Variants in MYO18B observed in about 807,000 individuals in gnomAD.
MYO18B encodes the protein unconventional myosin-XVIIIb.
Under a neutral mutation model 273.0 loss-of-function variants are expected in MYO18B, and 204 were observed. The ratio of observed to expected loss-of-function variants is 0.75; its 90% confidence interval spans 0.67 to 0.84. MYO18B has a LOEUF of 0.84. MYO18B is among the 40% of genes least tolerant of loss of function. The pLI, the probability that MYO18B is intolerant of heterozygous loss-of-function variation, is 0.00. For missense variants in MYO18B, 3,212 were observed against 3,287.6 expected (o/e 0.98, Z 0.56); for synonymous variants, 1,330 against 1,305.7 (o/e 1.02, Z -0.40).
chr22:25,778,153 C>T (rs1436492857), intron 8 of MYO18B, among the ~76,000 whole-genome samples: 1 of 152,126 alleles, frequency 6.6e-6, no homozygotes, highest in Non-Finnish European at 1.5e-5. Flanking sequence ...CAGTGCACAA[C>T]TTGCGGAACT....
chr22:25,989,969 C>T (rs1280265381), intron 39 of MYO18B, among the ~76,000 whole-genome samples: 1 of 152,146 alleles, frequency 6.6e-6, no homozygotes, highest in East Asian at 1.9e-4. Flanking sequence ...TGTCTCTCAC[C>T]TTGTCAAGGC....
chr22:25,766,078 G>GAGT (rs2086495632), intron 3 of MYO18B, among the ~76,000 whole-genome samples: 1 of 152,040 alleles, frequency 6.6e-6, no homozygotes, highest in Non-Finnish European at 1.5e-5. Flanking sequence ...TAAGGCCAAG[G>GAGT]AGTTAAGGTT....
chr22:26,061,633 G>C, the MYO18B span, among the ~76,000 whole-genome samples: 1 of 151,354 alleles, frequency 6.6e-6, no homozygotes, highest in Non-Finnish European at 1.5e-5. Context: ...CTATTGCCGA[G>C]AAACGTCATC....
chr22:26,036,105 A>T, the MYO18B span, among the ~76,000 whole-genome samples: 1 of 152,318 alleles, frequency 6.6e-6, no homozygotes, highest in Admixed American at 6.5e-5. Flanking sequence ...CAGCTAGAAG[A>T]GGCAGGTGTC....
At chr22:25,748,731 C>T (rs1342100836) in intron 1 of MYO18B, among the ~76,000 whole-genome samples, 1 of 152,222 alleles carries the variant, frequency 6.6e-6, no homozygotes, top group Non-Finnish European at 1.5e-5. Flanking sequence ...CATCAACCTT[C>T]CTGCCCTTGC....
intron 1 of MYO18B, among the ~76,000 whole-genome samples, chr22:25,755,960 C>G (rs140298743): frequency 6.6e-6 from 1 of 151,860 alleles, no homozygotes; most frequent in Non-Finnish European, 1.5e-5. Context: ...TGCAGTGGCA[C>G]GATGTCAGCT....
chr22:25,769,341 A>G lies in MYO18B; in HGVS notation c.1425A>G (p.Ala475=), dbSNP rs1303281134. The G allele has an allele frequency of 3.8e-6, 6 of 1,578,110 alleles. No homozygotes were observed. Among genetic ancestry groups the G allele is most frequent in the East Asian group, 2.3e-5 (1 of 42,916 alleles). Residue 475 remains alanine (A), a synonymous_variant, in exon 4 of 44, where the codon GCA becomes GCG. Coordinates refer to ENST00000335473, the MANE Select transcript of MYO18B (RefSeq NM_032608.7). ...GPSQPALEKD[A]ERPRIRKENQ... is the part of the protein sequence containing the mutation. ...GCCAGCCTGCTCTGGAGAAGGATGC[A>G]GAAAGGCCTCGGATACGGAAGGAGA...
chr22:25,822,261 C>G (rs558946511), intron 12 of MYO18B, among the ~76,000 whole-genome samples: 117 of 152,304 alleles, frequency 7.7e-4, no homozygotes, highest in African/African-American at 2.6e-3. Flanking sequence ...TTATGTAGTA[C>G]CTCCTTCTCA....
At chr22:26,019,542 C>A (rs1424234343) in intron 42 of MYO18B, among the ~76,000 whole-genome samples, 2 of 152,194 alleles carry the variant, frequency 1.3e-5, no homozygotes, top group Admixed American at 6.5e-5. Context: ...AAGTGCCTCC[C>A]ATTCCCTGCA....
intron 39 of MYO18B, among the ~76,000 whole-genome samples, chr22:25,983,025 A>G (rs192341265): frequency 2.0e-5 from 3 of 152,332 alleles, no homozygotes. Context: ...ATACATAACT[A>G]GTACAGAATA....
At chr22:25,775,400 C>T (rs910563098) in intron 7 of MYO18B, among the ~76,000 whole-genome samples, 8 of 152,176 alleles carry the variant, frequency 5.3e-5, no homozygotes, top group Admixed American at 4.6e-4. Flanking sequence ...GCCCCTAGTT[C>T]GGCCAAAGGA....
rs1233909736 is a variant in MYO18B, at chr22:25,752,181, T to A, written c.-109-8803T>A. On this transcript the variant is annotated intron_variant, in intron 1 of 43. Transcript: ENST00000335473. The stretch of plus-strand genomic sequence containing the variant: ...ATTTGACAAATATTTAACTTTTATT[T>A]TAATTAATTTTTTTTTTTTTTTTTG... Among the ~76,000 whole-genome samples, 4 of 137,558 alleles carry A rather than the reference T, an allele frequency of 2.9e-5. No individual in the cohort carries two copies. In the East Asian group the frequency reaches 9.1e-4, roughly 31 times the overall value. The allele number at this position is 137,558 out of a possible 152,430, so 90.2% of individuals were successfully genotyped here. A position where few individuals can be genotyped will look rare whatever the true frequency, so the allele number is the denominator to read the frequency against.
At chr22:25,763,117 T>C in intron 2 of MYO18B, 114 bp from the exon 3 acceptor site, 1 of 1,219,642 alleles carries the variant, frequency 8.2e-7, no homozygotes, top group Non-Finnish European at 1.2e-6. Context: ...TACATGGGCT[T>C]GGTCATGTAT....
chr22:25,993,250 C>T (rs546596166), intron 40 of MYO18B, among the ~76,000 whole-genome samples: 1 of 152,108 alleles, frequency 6.6e-6, no homozygotes, highest in Non-Finnish European at 1.5e-5. Context: ...GCATTCTGTT[C>T]CCAGGAGCTA....
At chr22:25,969,524 GC>G (rs2093013785) in intron 39 of MYO18B, among the ~76,000 whole-genome samples, 2 of 152,142 alleles carry the variant, frequency 1.3e-5, no homozygotes, top group South Asian at 4.1e-4. Flanking sequence ...CTGCTTTGGG[GC>G]TACAACAGCA....
At chr22:25,960,177 A>T (rs188918493) in intron 39 of MYO18B, among the ~76,000 whole-genome samples, 1 of 152,244 alleles carries the variant, frequency 6.6e-6, no homozygotes, top group Admixed American at 6.5e-5. Flanking sequence ...ATTTTAGTAA[A>T]TGTACTATTC....
chr22:25,919,095 G>A (rs2092303151), intron 33 of MYO18B, among the ~76,000 whole-genome samples: 1 of 151,996 alleles, frequency 6.6e-6, no homozygotes, highest in Admixed American at 6.6e-5. Flanking sequence ...GAAATGCATA[G>A]CCCAGATTAT....
At chr22:25,752,795 G>A (rs983010491) in intron 1 of MYO18B, among the ~76,000 whole-genome samples, 7 of 152,358 alleles carry the variant, frequency 4.6e-5, no homozygotes, top group Middle Eastern at 6.8e-3. Flanking sequence ...GGCCGAGGCC[G>A]GAGCCGGCTC....
At chr22:26,000,619 T>G (rs1453379414) in intron 40 of MYO18B, among the ~76,000 whole-genome samples, 1 of 151,272 alleles carries the variant, frequency 6.6e-6, no homozygotes, top group Non-Finnish European at 1.5e-5. Flanking sequence ...CCCGAAGGCT[T>G]CATTGCGGAT....
Sources: allele counts gnomAD v4.1 joint callset (sites outside exome capture counted in the v4.1 genomes callset), GRCh38; gene constraint gnomAD v4.1.1; transcripts MANE v1.5; gene names NCBI Gene and HGNC (gene_info 2026-07-23, HGNC 2026-07-21).